ZNF578: variants seen among roughly 807,000 people sequenced by gnomAD.
ZNF578 encodes zinc finger protein 578, also known as Putative chemokine-related protein B42.
Under a neutral mutation model 8.3 loss-of-function variants are expected in ZNF578, and 8 were observed. That is an observed-to-expected ratio of 0.96 (90% CI 0.56 to 1.74). ZNF578 has a LOEUF of 1.74. Ranked by LOEUF, ZNF578 falls within the 40% of genes most tolerant of loss-of-function variation. ZNF578 has a pLI of 0.00. For missense variants in ZNF578, 726 were observed against 707.5 expected, an observed-to-expected ratio of 1.03 and a Z score of -0.30; for synonymous variants, 206 against 232.2, an observed-to-expected ratio of 0.89 and a Z score of 1.03.
intron 3 of ZNF578, among the ~76,000 whole-genome samples, chr19:52,500,603 G>C (rs917212295): frequency 6.6e-6 from 1 of 151,894 alleles, no homozygotes; most frequent in African/African-American, 2.4e-5. Flanking sequence ...GGACGGTGTC[G>C]ACCTCTTGAC....
intron 2 of ZNF578, among the ~76,000 whole-genome samples, chr19:52,459,955 C>T (rs1408791452): frequency 2.0e-5 from 3 of 148,768 alleles, no homozygotes; most frequent in African/African-American, 5.0e-5. Flanking sequence ...TTATTAGAGA[C>T]GGGGTTTCAC....
intron 5 of ZNF578, among the ~76,000 whole-genome samples, chr19:52,505,413 TTTG>T (rs2059422290): frequency 1.3e-5 from 1 of 76,196 alleles, no homozygotes; most frequent in Admixed American, 1.7e-4. Flanking sequence ...TCATTTTTTG[TTTG>T]TTTGTTTGTT....
At chr19:52,499,776 C>T (rs2059400115) in intron 3 of ZNF578, among the ~76,000 whole-genome samples, 1 of 150,920 alleles carries the variant, frequency 6.6e-6, no homozygotes, top group African/African-American at 2.4e-5. Flanking sequence ...ACCTCTGTCT[C>T]CTGGGATCAA....
chr19:52,510,676 G>C lies in ZNF578; in HGVS notation c.295G>C (p.Gly99Arg), dbSNP rs768245216. 1.2e-6 allele frequency: 2 copies of C among 1,613,370 alleles called. No homozygotes were observed. The highest frequency in any genetic ancestry group is 1.1e-5 in the South Asian group (1 of 90,988). ...GCAAAGACATGAAAGTTATCACACT[G>C]GAGATTTTTGCTTCCAGGAAATTGA... ...MLQRHESYHTGDFCFQEIEKD... is the reference protein window; with the variant it reads ...MLQRHESYHTRDFCFQEIEKD... Residue 99 changes from glycine (G) to arginine (R), a missense_variant, in exon 6 of 6, where the codon GGA becomes CGA. Gly to Arg is a moderately radical substitution (Grantham distance 125). Coordinates refer to ENST00000421239, the MANE Select transcript of ZNF578 (RefSeq NM_001099694.2).
intron 4 of ZNF578, 87 bp downstream of exon 4, chr19:52,501,995 A>T: frequency 6.5e-7 from 1 of 1,531,810 alleles, no homozygotes; most frequent in Non-Finnish European, 8.8e-7. Flanking sequence ...AATGTATTGT[A>T]ACAGCCAGTC....
At chr19:52,461,257 C>T (rs758198457) in intron 2 of ZNF578, among the ~76,000 whole-genome samples, 3 of 152,124 alleles carry the variant, frequency 2.0e-5, no homozygotes, top group African/African-American at 7.2e-5. Context: ...TGGGGATTTA[C>T]GCAGAAATCA....
chr19:52,464,350 T>G (rs1014805404), intron 2 of ZNF578, among the ~76,000 whole-genome samples: 7 of 152,144 alleles, frequency 4.6e-5, no homozygotes, highest in Non-Finnish European at 7.3e-5. Flanking sequence ...TAAGCCGGAA[T>G]CTCCCCTCAA....
At chr19:52,495,020 G>GT (rs1430653407) in intron 3 of ZNF578, among the ~76,000 whole-genome samples, 4 of 148,818 alleles carry the variant, frequency 2.7e-5, no homozygotes, top group East Asian at 2.0e-4. Context: ...TTCTTTGTTT[G>GT]TTTTTTTGTA....
At position 52,510,948 on chromosome 19, in the gene ZNF578, A is replaced by C. The variant is rs1406463349; in HGVS notation, c.567A>C (p.Ser189=). The change falls in exon 6 of 6, where the codon TCA becomes TCC. Residue 189 remains serine (S), a synonymous_variant. Transcript: ENST00000421239. ...QVEKSVNDAS[S]ISTSQRISCR... is the part of the protein sequence containing the mutation. ...AGAAGTCTGTCAACGATGCTTCCTC[A>C]ATTTCAACATCCCAAAGAATTTCTT... is the stretch of plus-strand genomic sequence containing the variant. 6.2e-7 allele frequency: 1 copy of C among 1,614,192 alleles called. No individual in the cohort carries two copies.
intron 3 of ZNF578, among the ~76,000 whole-genome samples, chr19:52,494,075 C>T (rs865822340): frequency 7.3e-5 from 11 of 151,264 alleles, no homozygotes; most frequent in African/African-American, 2.7e-4. Flanking sequence ...GAATAAATAG[C>T]AGGAGAGGAG....
In ZNF578 at chr19:52,510,659, A is replaced by G; in HGVS notation, c.278A>G (p.His93Arg). Residue 93 changes from histidine (H) to arginine (R), a missense_variant, in exon 6 of 6, where the codon CAT becomes CGT. By Grantham distance (29) the His-to-Arg change is conservative. Transcript: ENST00000421239. ...EVIHTGMLQRHESYHTGDFCF... is the reference protein window; with the variant it reads ...EVIHTGMLQRRESYHTGDFCF... Reference sequence around the variant, plus strand: ...ATCCACACAGGGATGTTGCAAAGACATGAAAGTTATCACACTGGAGATTTT... The same window carrying G: ...ATCCACACAGGGATGTTGCAAAGACGTGAAAGTTATCACACTGGAGATTTT... 1.9e-6 allele frequency: 3 copies of G among 1,612,664 alleles called. No homozygotes were observed. Among genetic ancestry groups the G allele is most frequent in the Non-Finnish European group, 2.5e-6 (3 of 1,179,388 alleles).
At chr19:52,460,097 T>C (rs1055017267) in intron 2 of ZNF578, among the ~76,000 whole-genome samples, 6 of 151,718 alleles carry the variant, frequency 4.0e-5, no homozygotes, top group Non-Finnish European at 4.4e-5. Flanking sequence ...CGTGTGTGTG[T>C]ATATACACAC....
chr19:52,514,759 A>T lies in ZNF578; in HGVS notation c.*2605A>T, dbSNP rs1266920862. Among the ~76,000 whole-genome samples the T allele has an allele frequency of 4.0e-5, 6 of 151,700 alleles. No individual in the cohort carries two copies. The highest frequency in any genetic ancestry group is 1.3e-4 in the Admixed American group (2 of 15,246). ...CTCACTGCAACCTCTACCTCCTTGGATCAAGTGATGCTCCTGCCTCAGTCT... is the reference window on the plus strand; with the variant it reads ...CTCACTGCAACCTCTACCTCCTTGGTTCAAGTGATGCTCCTGCCTCAGTCT... On this transcript the variant is annotated 3_prime_UTR_variant, in exon 6 of 6. Coordinates refer to ENST00000421239, the MANE Select transcript of ZNF578 (RefSeq NM_001099694.2).
chr19:52,510,867 G>C lies in ZNF578; in HGVS notation c.486G>C (p.Leu162Phe), dbSNP rs777168801. The C allele has an allele frequency of 1.1e-5, 17 of 1,614,050 alleles. No individual in the cohort carries two copies. Among genetic ancestry groups the C allele is most frequent in the Non-Finnish European group, 1.2e-5 (14 of 1,180,030 alleles). Reference sequence around the variant, plus strand: ...ATCAGCTTGGATTAAGCTTTCATTTGCATCTTCCTGAACTCCACATATTTC... The same window carrying C: ...ATCAGCTTGGATTAAGCTTTCATTTCCATCTTCCTGAACTCCACATATTTC... ...IKDQLGLSFHLHLPELHIFQP... is the reference protein window; with the variant it reads ...IKDQLGLSFHFHLPELHIFQP... Residue 162 changes from leucine to phenylalanine, a missense_variant, in exon 6 of 6, where the codon TTG becomes TTC. Leu to Phe is a conservative substitution (Grantham distance 22). Coordinates refer to ENST00000421239, the MANE Select transcript of ZNF578 (RefSeq NM_001099694.2).
chr19:52,504,695 T>C lies in ZNF578; in HGVS notation c.104T>C (p.Leu35Ser), dbSNP rs2059419169. The C allele has an allele frequency of 1.3e-5, 21 of 1,614,168 alleles. No individual in the cohort carries two copies. Among genetic ancestry groups the C allele is most frequent in the Non-Finnish European group, 1.8e-5 (21 of 1,180,026 alleles). ...TFRDVAIEFS[L>S]AEWKFLNPAQ... ...AGGGATGTGGCTATAGAATTCTCATTGGCAGAGTGGAAATTCCTGAACCCT... is the reference window on the plus strand; with the variant it reads ...AGGGATGTGGCTATAGAATTCTCATCGGCAGAGTGGAAATTCCTGAACCCT... Residue 35 changes from leucine to serine, a missense_variant, in exon 5 of 6, where the codon TTG becomes TCG. Transcript: ENST00000421239.
chr19:52,502,258 C>T (rs1215683778), intron 4 of ZNF578, among the ~76,000 whole-genome samples: 1 of 152,104 alleles, frequency 6.6e-6, no homozygotes, highest in Non-Finnish European at 1.5e-5. Context: ...GATGTCAGCT[C>T]TTTGTGGACC....
intron 5 of ZNF578, among the ~76,000 whole-genome samples, chr19:52,509,873 C>CT (rs1161378431): frequency 1.0e-4 from 15 of 150,316 alleles, no homozygotes; most frequent in Admixed American, 8.6e-4. Flanking sequence ...CTTTTTTTTT[C>CT]TTTTTTTTCC....
At chr19:52,454,564 A>T (rs2059233414) in intron 1 of ZNF578, 1 of 152,064 alleles carries the variant, frequency 6.6e-6, no homozygotes, top group Non-Finnish European at 1.5e-5. Flanking sequence ...GAAACGTTTT[A>T]GTTGGGTTTA....
intron 4 of ZNF578, among the ~76,000 whole-genome samples, 156 bp downstream of exon 4, chr19:52,502,064 C>T (rs866134360): frequency 2.2e-4 from 33 of 152,312 alleles, no homozygotes; most frequent in African/African-American, 7.9e-4. Context: ...CATGCCTGCC[C>T]TCAGTTCCTC....
Sources: gnomAD v4.1 joint callset for allele counts (sites outside exome capture counted in the v4.1 genomes callset) on GRCh38, gnomAD v4.1.1 for gene constraint, MANE v1.5 for transcripts, NCBI Gene and HGNC (gene_info 2026-07-23, HGNC 2026-07-21) for gene names.